AGBL3: variants seen among roughly 807,000 people sequenced by gnomAD.
The protein encoded by AGBL3 is cytosolic carboxypeptidase 3.
A neutral mutation model predicts 94.5 loss-of-function variants in AGBL3; 68 were observed. The observed-to-expected ratio is 0.72, with a 90% confidence interval of 0.59 to 0.88. The LOEUF is 0.88. Ranked by LOEUF, AGBL3 falls within the 40% of genes least tolerant of loss-of-function variation. The probability of loss-of-function intolerance (pLI) is 0.00; values close to 1 mark genes in which losing one functional copy is unlikely to be tolerated. For synonymous variants in AGBL3, 354 were observed against 370.7 expected, an observed-to-expected ratio of 0.95 and a Z score of 0.52; for missense variants, 934 against 1,103.8, an observed-to-expected ratio of 0.85 and a Z score of 2.18.
chr7:135,101,737 C>T (rs2348268), intron 15 of AGBL3, among the ~76,000 whole-genome samples: 145,282 of 152,230 alleles, frequency 0.95, 69,646 homozygotes, highest in Non-Finnish European at 1. Flanking sequence ...AAGTGCCCAA[C>T]AGAAGGGCAG....
intron 4 of AGBL3, 122 bp downstream of exon 4, chr7:134,993,800 C>A: frequency 1.2e-6 from 1 of 805,406 alleles, no homozygotes. Flanking sequence ...TAACATGAGC[C>A]ACATAATGTA....
At chr7:135,107,223 C>T (rs1824868271) in intron 15 of AGBL3, among the ~76,000 whole-genome samples, 1 of 152,050 alleles carries the variant, frequency 6.6e-6, no homozygotes, top group Admixed American at 6.6e-5. Flanking sequence ...TCCACTTCAG[C>T]TCTGACTTGG....
rs989666087 is a variant in AGBL3 at position 135,032,517 on chromosome 7, A to G, written c.419-327A>G. The stretch of plus-strand genomic sequence containing the variant: ...TTTTTAGTAGAGACAGGCTTTCACC[A>G]TGTTGCCCAGGGTGGTCTCGAACTC... On this transcript the variant is annotated intron_variant, in intron 5 of 16. Transcript: ENST00000436302. Among the ~76,000 whole-genome samples, 14 of 146,404 alleles carry G rather than the reference A, an allele frequency of 9.6e-5. No individual in the cohort carries two copies. In the South Asian group the frequency reaches 1.5e-3, roughly 16 times the overall value.
chr7:134,996,520 GTCCA>G (rs1321085842), intron 4 of AGBL3, among the ~76,000 whole-genome samples: 1 of 152,060 alleles, frequency 6.6e-6, no homozygotes, highest in Non-Finnish European at 1.5e-5. Context: ...AGCTTTTCCA[GTCCA>G]GCTATAAATT....
intron 12 of AGBL3, among the ~76,000 whole-genome samples, chr7:135,067,837 C>T (rs1819495070): frequency 1.3e-5 from 2 of 152,224 alleles, no homozygotes; most frequent in African/African-American, 4.8e-5. Flanking sequence ...AGCGCCTCTC[C>T]TCCTCCAAAG....
intron 3 of AGBL3, among the ~76,000 whole-genome samples, chr7:134,990,296 G>A (rs1381341744): frequency 6.6e-6 from 1 of 152,150 alleles, no homozygotes; most frequent in Non-Finnish European, 1.5e-5. Flanking sequence ...GGCAACCAGT[G>A]ATTTGCGTTC....
At chr7:134,988,633 ATTTTT>A (rs906931665) in intron 2 of AGBL3, among the ~76,000 whole-genome samples, 2 of 146,384 alleles carry the variant, frequency 1.4e-5, no homozygotes, top group Non-Finnish European at 3.0e-5. Context: ...TGTTAATTTA[ATTTTT>A]TTTTTTTTCT....
intron 12 of AGBL3, among the ~76,000 whole-genome samples, chr7:135,071,027 G>A (rs958804050): frequency 1.3e-5 from 2 of 152,162 alleles, no homozygotes; most frequent in African/African-American, 4.8e-5. Flanking sequence ...CTTCAGCAAA[G>A]TCTCAGGATA....
chr7:135,129,362 G>GGA (rs1237364374), intron 16 of AGBL3: 16 of 922,750 alleles, frequency 1.7e-5, no homozygotes, highest in Middle Eastern at 2.8e-4. Flanking sequence ...ATGAATACCT[G>GGA]CAAGCAGATA....
chr7:135,019,377 T>C (rs1196302945), intron 5 of AGBL3, among the ~76,000 whole-genome samples: 1 of 152,230 alleles, frequency 6.6e-6, no homozygotes, highest in Non-Finnish European at 1.5e-5. Context: ...TGTTTTTCTT[T>C]CAAATTTAGT....
Position 135,135,172 on chromosome 7 carries a change from G to A in AGBL3, c.2674G>A (p.Ala892Thr). 1.3e-6 allele frequency: 2 copies of A among 1,550,172 alleles called. No individual in the cohort carries two copies. Among genetic ancestry groups the A allele is most frequent in the Non-Finnish European group, 8.7e-7 (1 of 1,146,390 alleles). ...TAACCAGCAAAGCTCTAAGCATACAGCCCTCCATCTAACTAAAAATAAGGA... is the reference window on the plus strand; with the variant it reads ...TAACCAGCAAAGCTCTAAGCATACAACCCTCCATCTAACTAAAAATAAGGA... ...ETNQQSSKHTALHLTKNKDEQ... is the reference protein window; with the variant it reads ...ETNQQSSKHTTLHLTKNKDEQ... Residue 892 changes from alanine to threonine, a missense_variant, in exon 17 of 17, where the codon GCC becomes ACC. Physicochemically the swap from Ala to Thr is moderately conservative, Grantham distance 58. This residue lies in a region of AGBL3 where 441 missense variants were observed against 518.2 expected (regional missense o/e 0.85). Coordinates refer to ENST00000436302, the MANE Select transcript of AGBL3 (RefSeq NM_178563.4).
chr7:135,134,043 A>C (rs1348236708), intron 16 of AGBL3, among the ~76,000 whole-genome samples: 1 of 152,154 alleles, frequency 6.6e-6, no homozygotes, highest in Non-Finnish European at 1.5e-5. Flanking sequence ...ACTTGATAAT[A>C]GATTAATAAT....
intron 16 of AGBL3, chr7:135,129,650 G>A: frequency 2.6e-6 from 2 of 780,544 alleles, no homozygotes; most frequent in Non-Finnish European, 4.7e-6. Context: ...TTTATGCTGT[G>A]GATGTTGATG....
chr7:135,086,806 TTTG>T lies in AGBL3; in HGVS notation c.2110+5029_2110+5031del, dbSNP rs757314397. 1.8e-4 allele frequency among the ~76,000 whole-genome samples: 28 copies of T among 152,056 alleles called. No homozygotes were observed. In the East Asian group the frequency reaches 5.2e-3, roughly 28 times the overall value. ...CAAGAACATAGGCCAATAGGTTTCT[TTTG>T]TTGTTGTTGTTGCGTCCTTGTCTGG... On this transcript the variant is annotated intron_variant, in intron 15 of 16. Transcript: ENST00000436302.
intron 16 of AGBL3, 80 bp from the exon 17 acceptor site, chr7:135,134,761 T>C: frequency 7.9e-7 from 1 of 1,268,710 alleles, no homozygotes; most frequent in Non-Finnish European, 1.1e-6. Flanking sequence ...AAAAATATTA[T>C]TTATACTATG....
In AGBL3 at chr7:135,109,856, T is replaced by C. The variant is rs146871977; in HGVS notation, c.2111-5524T>C. 4.0e-3 allele frequency among the ~76,000 whole-genome samples: 600 copies of C among 151,866 alleles called. 5 individuals are homozygous for C. Among genetic ancestry groups the C allele is most frequent in the African/African-American group, 0.014 (570 of 41,402 alleles). On this transcript the variant is annotated intron_variant, in intron 15 of 16. Transcript: ENST00000436302. The stretch of plus-strand genomic sequence containing the variant: ...GGCAAACATGGCTAAGGCTGTGAAA[T>C]AGCAAAGACGGTGGCCCATCCTTTC...
intron 16 of AGBL3, among the ~76,000 whole-genome samples, chr7:135,116,318 G>A (rs935455050): frequency 6.6e-6 from 1 of 152,138 alleles, no homozygotes. Context: ...GAGTCCTCCT[G>A]AACTTCATCA....
intron 11 of AGBL3, among the ~76,000 whole-genome samples, chr7:135,050,480 G>A (rs1008320513): frequency 6.6e-6 from 1 of 151,890 alleles, no homozygotes; most frequent in Non-Finnish European, 1.5e-5. Context: ...ATGAGGTATT[G>A]AAGTCTCCTG....
intron 16 of AGBL3, 176 bp downstream of exon 16, chr7:135,115,787 A>C: frequency 1.8e-6 from 1 of 557,332 alleles, no homozygotes; most frequent in South Asian, 2.6e-5. Context: ...GGATAAATGA[A>C]GGAGTAAGTT....
Sources: gnomAD v4.1 joint callset for allele counts (sites outside exome capture counted in the v4.1 genomes callset) on GRCh38, gnomAD v4.1.1 for gene constraint, gnomAD v4.1.1 regional missense constraint, MANE v1.5 for transcripts, NCBI Gene and HGNC (gene_info 2026-07-23, HGNC 2026-07-21) for gene names.